Variants in CSNK1G1 observed in about 807,000 individuals in gnomAD.
CSNK1G1 encodes the protein casein kinase I isoform gamma-1.
CSNK1G1 carries 22 observed loss-of-function variants against 59.6 expected under a neutral mutation model. The observed-to-expected ratio is 0.37, with a 90% CI of 0.26 to 0.53. The LOEUF is 0.53. CSNK1G1 is among the 20% of genes least tolerant of loss of function. The pLI is 0.89. For missense variants in CSNK1G1, 384 were observed against 519.5 expected, an observed-to-expected ratio of 0.74 and a Z score of 2.54; for synonymous variants, 179 against 177.1, an observed-to-expected ratio of 1.01 and a Z score of -0.08.
intron 6 of CSNK1G1, among the ~76,000 whole-genome samples, chr15:64,212,000 G>T (rs1030973824): frequency 6.6e-6 from 1 of 152,160 alleles, no homozygotes. Context: ...TTGTAAAATG[G>T]AAAATTACTT....
intron 6 of CSNK1G1, among the ~76,000 whole-genome samples, chr15:64,212,763 T>C (rs2082264210): frequency 6.6e-6 from 1 of 151,972 alleles, no homozygotes; most frequent in African/African-American, 2.4e-5. Flanking sequence ...CCCAGCACTT[T>C]GGGAGGCCGA....
chr15:64,186,495 T>G (rs1567361194), intron 10 of CSNK1G1, among the ~76,000 whole-genome samples: 3 of 151,892 alleles, frequency 2.0e-5, no homozygotes, highest in African/African-American at 7.3e-5. Flanking sequence ...AAAATTGAGT[T>G]TTTTGTTTTG....
intron 2 of CSNK1G1, among the ~76,000 whole-genome samples, chr15:64,298,710 T>C (rs1280819663): frequency 6.6e-6 from 1 of 152,106 alleles, no homozygotes; most frequent in Non-Finnish European, 1.5e-5. Context: ...TAAGATTTTG[T>C]CCATGTTCTC....
intron 4 of CSNK1G1, among the ~76,000 whole-genome samples, chr15:64,236,993 A>G (rs2082624659): frequency 6.6e-6 from 1 of 152,186 alleles, no homozygotes; most frequent in African/African-American, 2.4e-5. Flanking sequence ...TGCAGCAACA[A>G]GTATGGAACC....
intron 1 of CSNK1G1, among the ~76,000 whole-genome samples, chr15:64,334,574 G>C (rs1027526977): frequency 6.6e-6 from 1 of 152,200 alleles, no homozygotes; most frequent in Admixed American, 6.5e-5. Flanking sequence ...GGTCCTTTCT[G>C]CAAGTGATGG....
chr15:64,212,025 A>G (rs1567375895), intron 6 of CSNK1G1, among the ~76,000 whole-genome samples: 1 of 152,218 alleles, frequency 6.6e-6, no homozygotes, highest in Non-Finnish European at 1.5e-5. Flanking sequence ...TTGTGAAGGA[A>G]GAAGGGGATG....
At chr15:64,278,322 T>C (rs948429749) in intron 2 of CSNK1G1, among the ~76,000 whole-genome samples, 9 of 151,230 alleles carry the variant, frequency 6.0e-5, no homozygotes, top group African/African-American at 1.9e-4. Context: ...GCCGGGATTG[T>C]AGGCGTGAGT....
chr15:64,333,558 A>C (rs1361924196), intron 1 of CSNK1G1, among the ~76,000 whole-genome samples: 1 of 152,088 alleles, frequency 6.6e-6, no homozygotes, highest in East Asian at 1.9e-4. Context: ...GTAACAATCA[A>C]CATGATGACT....
intron 11 of CSNK1G1, among the ~76,000 whole-genome samples, chr15:64,173,174 G>A (rs964224673): frequency 2.6e-5 from 4 of 152,178 alleles, no homozygotes; most frequent in Admixed American, 2.0e-4. Context: ...TGGAAATAAA[G>A]ACTATTACTT....
At chr15:64,232,242 T>C (rs1031179735) in intron 4 of CSNK1G1, among the ~76,000 whole-genome samples, 3 of 152,214 alleles carry the variant, frequency 2.0e-5, no homozygotes, top group African/African-American at 7.2e-5. Context: ...AAAATGACAA[T>C]ATAATTGTCA....
At chr15:64,313,542 C>T (rs7171110) in intron 1 of CSNK1G1, among the ~76,000 whole-genome samples, 146,563 of 151,628 alleles carry the variant, frequency 0.97, 70,994 homozygotes, top group East Asian at 1. Flanking sequence ...TAAGTGGGAG[C>T]TGAACAATGA....
rs953775207 is a variant in CSNK1G1 at position 64,165,911 on chromosome 15, A to G, written c.*6020T>C. On this transcript the variant is annotated 3_prime_UTR_variant, in exon 12 of 12. Transcript: ENST00000303052. ...AACCCATTTTCCATTTTCTCCAAAG[A>G]AGGCTACTTCCTCTGCAGAGAAGAT... 3.6e-6 allele frequency: 2 copies of G among 548,322 alleles called. No individual in the cohort carries two copies. The highest frequency in any genetic ancestry group is 2.0e-5 in the African/African-American group (1 of 51,020). 34.0% of individuals were successfully genotyped at this position (548,322 alleles called of 1,614,324 possible).
At chr15:64,254,241 A>T (rs1253884645) in intron 3 of CSNK1G1, among the ~76,000 whole-genome samples, 1 of 152,114 alleles carries the variant, frequency 6.6e-6, no homozygotes, top group Non-Finnish European at 1.5e-5. Context: ...GGGGAGAATG[A>T]GGAGTTAGTG....
intron 2 of CSNK1G1, among the ~76,000 whole-genome samples, chr15:64,263,189 T>C (rs147117656): frequency 6.6e-6 from 1 of 152,270 alleles, no homozygotes; most frequent in East Asian, 1.9e-4. Context: ...TGCAACCTTT[T>C]TCTTTTTTCT....
chr15:64,308,548 G>A (rs1208240490), intron 1 of CSNK1G1, among the ~76,000 whole-genome samples: 1 of 152,026 alleles, frequency 6.6e-6, no homozygotes, highest in East Asian at 1.9e-4. Flanking sequence ...ATCAACCTCT[G>A]AGGACCCTCA....
At chr15:64,238,093 A>C (rs2082639385) in intron 4 of CSNK1G1, among the ~76,000 whole-genome samples, 1 of 152,146 alleles carries the variant, frequency 6.6e-6, no homozygotes, top group Non-Finnish European at 1.5e-5. Flanking sequence ...GAGTCACAAA[A>C]TTAGGGGGCA....
Position 64,168,753 on chromosome 15 carries a change from G to A in CSNK1G1, c.*3178C>T, listed in dbSNP as rs2081630766. ...GGCATACAGCTAAGGAACTGTAGCA[G>A]TAGGGTTGAGGAGGGAGCCCTGATT... On this transcript the variant is annotated 3_prime_UTR_variant, in exon 12 of 12. Transcript: ENST00000303052. 6.6e-6 allele frequency: 1 copy of A among 152,252 alleles called. No homozygotes were observed. Among genetic ancestry groups the A allele is most frequent in the Admixed American group, 6.5e-5 (1 of 15,288 alleles). 9.4% of individuals were successfully genotyped at this position (152,252 alleles called of 1,614,324 possible). A position where few individuals can be genotyped will look rare whatever the true frequency, so the allele number is the denominator to read the frequency against.
chr15:64,206,474 G>A (rs927056910), intron 7 of CSNK1G1, among the ~76,000 whole-genome samples: 1 of 151,456 alleles, frequency 6.6e-6, no homozygotes, highest in Non-Finnish European at 1.5e-5. Flanking sequence ...GGGCGTGGTG[G>A]CATGCACCTG....
At chr15:64,213,073 A>G (rs570516348) in intron 6 of CSNK1G1, among the ~76,000 whole-genome samples, 3 of 152,334 alleles carry the variant, frequency 2.0e-5, no homozygotes, top group East Asian at 1.9e-4. Context: ...AATATTTTAT[A>G]ATTATTTCTG....
Sources: gnomAD v4.1 joint callset for allele counts (sites outside exome capture counted in the v4.1 genomes callset) on GRCh38, gnomAD v4.1.1 for gene constraint, MANE v1.5 for transcripts, NCBI Gene and HGNC (gene_info 2026-07-23, HGNC 2026-07-21) for gene names.